The following LRRC9 variants were observed in gnomAD, a reference collection of about 807,000 sequenced individuals.
LRRC9 encodes the protein leucine-rich repeat-containing protein 9.
Under a neutral mutation model 63.2 loss-of-function variants are expected in LRRC9, and 122 were observed. The observed-to-expected ratio is 1.93, with a 90% CI of 1.67 to 2.24. The LOEUF (loss-of-function observed/expected upper bound fraction) is 2.24, where lower values mean the gene tolerates loss of function less well. LRRC9 is among the 30% of genes most tolerant of loss of function. LRRC9 has a pLI of 0.00. For missense variants in LRRC9, 1,071 were observed against 627.7 expected, an observed-to-expected ratio of 1.71 and a Z score of -7.55; for synonymous variants, 366 against 213.1, an observed-to-expected ratio of 1.72 and a Z score of -6.25.
In LRRC9 at chr14:59,938,126, G is replaced by A. The variant is rs1881250845; in HGVS notation, c.544-264G>A. ...AATGAATAAATGTGCTCACATCACT[G>A]GCTTCAAGGTTCCAGCTGGAATACA... On this transcript the variant is annotated intron_variant, in intron 6 of 31. Coordinates refer to ENST00000445360, the Ensembl canonical transcript of LRRC9. The surrounding 1 kb of genome is among the most constrained non-coding windows in gnomAD (Gnocchi z 4.2). Among the ~76,000 whole-genome samples, 1 of 152,092 alleles carries A rather than the reference G, an allele frequency of 6.6e-6. No individual in the cohort carries two copies. The highest frequency in any genetic ancestry group is 2.4e-5 in the African/African-American group (1 of 41,432).
chr14:59,979,573 C>T (rs968414188), intron 15 of LRRC9, among the ~76,000 whole-genome samples: 4 of 151,844 alleles, frequency 2.6e-5, no homozygotes, highest in Admixed American at 6.6e-5. Context: ...GATCGCGCCA[C>T]GGCATTCCAG....
intron 7 of LRRC9, among the ~76,000 whole-genome samples, chr14:59,939,658 G>A (rs183408061): frequency 1.3e-5 from 2 of 152,062 alleles, no homozygotes; most frequent in East Asian, 1.9e-4. Flanking sequence ...TGAATATTAA[G>A]TACAGAGGAA....
intron 19 of LRRC9, among the ~76,000 whole-genome samples, chr14:60,001,188 T>TTGTGTGTG (rs146007143): frequency 2.4e-4 from 36 of 149,098 alleles, no homozygotes; most frequent in African/African-American, 8.1e-4. Flanking sequence ...TGATGTATAT[T>TTGTGTGTG]TGTGTGTGTG....
At position 59,938,940 on chromosome 14, in the gene LRRC9, CATAT is replaced by C. The variant is rs1566790233; in HGVS notation, c.726+370_726+373del. Among the ~76,000 whole-genome samples the C allele has an allele frequency of 4.8e-4, 52 of 109,298 alleles. No individual in the cohort carries two copies. The Middle Eastern group carries it at 0.016, about 33-fold the overall frequency. 71.7% of individuals were successfully genotyped at this position (109,298 alleles called of 152,430 possible). A position where few individuals can be genotyped will look rare whatever the true frequency, so the allele number is the denominator to read the frequency against. On this transcript the variant is annotated intron_variant, in intron 7 of 31. Transcript: ENST00000445360. The surrounding 1 kb of genome is among the most constrained non-coding windows in gnomAD (Gnocchi z 4.2). ...ATATGCATATATATACACATATATACATATACATACATATATACACACATATATA... is the reference window on the plus strand; with the variant it reads ...ATATGCATATATATACACATATATACACATACATATATACACACATATATA...
intron 26 of LRRC9, among the ~76,000 whole-genome samples, chr14:60,019,975 T>A (rs985081273): frequency 6.6e-6 from 1 of 151,806 alleles, no homozygotes; most frequent in African/African-American, 2.4e-5. Context: ...TCTATCGAAG[T>A]ATAATTTCCT....
At chr14:59,940,257 A>G (rs1198638933) in intron 7 of LRRC9, among the ~76,000 whole-genome samples, 1 of 152,164 alleles carries the variant, frequency 6.6e-6, no homozygotes, top group Non-Finnish European at 1.5e-5. Context: ...CAAATAGGAT[A>G]TATACTATAG....
At chr14:59,983,600 C>G (rs1250171679) in intron 16 of LRRC9, among the ~76,000 whole-genome samples, 1 of 152,046 alleles carries the variant, frequency 6.6e-6, no homozygotes, top group Non-Finnish European at 1.5e-5. Context: ...ACTGTAGAAA[C>G]ATGCTTTTGA....
Position 59,966,900 on chromosome 14 carries a change from C to G in LRRC9, c.1388+135C>G. On this transcript the variant is annotated intron_variant, in intron 11 of 31. Coordinates refer to ENST00000445360, the Ensembl canonical transcript of LRRC9. The surrounding 1 kb of genome is among the most constrained non-coding windows in gnomAD (Gnocchi z 4.0). ...AAATGTTTCCTTTTTATGCATCTCC[C>G]ATGGCCAGGATGACCTCATAATTTA... The G allele has an allele frequency of 1.8e-6, 1 of 559,538 alleles. No homozygotes were observed. The highest frequency in any genetic ancestry group is 3.2e-6 in the Non-Finnish European group (1 of 313,516). 34.7% of individuals were successfully genotyped at this position (559,538 alleles called of 1,614,324 possible).
At chr14:60,016,322 G>GC (rs1890683084) in intron 23 of LRRC9, among the ~76,000 whole-genome samples, 1 of 152,136 alleles carries the variant, frequency 6.6e-6, no homozygotes, top group African/African-American at 2.4e-5. Context: ...TCTGGCCTCA[G>GC]CCTCCCACAT....
At chr14:59,969,146 G>C (rs1218791829) in intron 12 of LRRC9, 1 of 152,108 alleles carries the variant, frequency 6.6e-6, no homozygotes, top group Non-Finnish European at 1.5e-5. Context: ...ATTTTATTTT[G>C]AAAGTTTTAA....
chr14:60,003,046 C>A lies in LRRC9; in HGVS notation c.2665-575C>A, dbSNP rs1254146837. Among the ~76,000 whole-genome samples, 4 of 152,166 alleles carry A rather than the reference C, an allele frequency of 2.6e-5. No homozygotes were observed. Among genetic ancestry groups the A allele is most frequent in the African/African-American group, 9.7e-5 (4 of 41,426 alleles). The stretch of plus-strand genomic sequence containing the variant: ...CCTCTTGCCAAACATAGAAACTGGG[C>A]TAAGTGAAGCTGCTCCCAGAAAATG... On this transcript the variant is annotated intron_variant, in intron 20 of 31. Transcript: ENST00000445360. This position sits in a 1 kb window ranked among gnomAD's most constrained non-coding sequence, Gnocchi z 4.2.
At chr14:59,995,467 C>G (rs913027121) in intron 17 of LRRC9, among the ~76,000 whole-genome samples, 1 of 152,084 alleles carries the variant, frequency 6.6e-6, no homozygotes, top group African/African-American at 2.4e-5. Flanking sequence ...GATAGCTAAG[C>G]TACATTTAGA....
chr14:59,994,973 C>G (rs1269183751), intron 17 of LRRC9, among the ~76,000 whole-genome samples: 2 of 150,338 alleles, frequency 1.3e-5, no homozygotes, highest in Non-Finnish European at 3.0e-5. Context: ...CAAACCTGCA[C>G]GTTGCGCACA....
rs1453770150 is a variant in LRRC9 at position 59,958,694 on chromosome 14, G to C, written c.883-1124G>C. Among the ~76,000 whole-genome samples the C allele has an allele frequency of 6.6e-6, 1 of 152,242 alleles. No homozygotes were observed. The highest frequency in any genetic ancestry group is 1.5e-5 in the Non-Finnish European group (1 of 68,048). Reference sequence around the variant, plus strand: ...GTACGAAAAAATACTCCTGCAGCTAGCTCAGTGTCTGCCCAAACAGCCACC... The same window carrying C: ...GTACGAAAAAATACTCCTGCAGCTACCTCAGTGTCTGCCCAAACAGCCACC... On this transcript the variant is annotated intron_variant, in intron 8 of 31. Transcript: ENST00000445360. This position sits in a 1 kb window ranked among gnomAD's most constrained non-coding sequence, Gnocchi z 4.0.
chr14:59,958,577 C>T lies in LRRC9; in HGVS notation c.883-1241C>T, dbSNP rs1884037407. ...TTGCTGGGCTCTGTGGGAGTGGGAC[C>T]CGCTGAGCAAGACCACTTGGCTCCC... On this transcript the variant is annotated intron_variant, in intron 8 of 31. Coordinates refer to ENST00000445360, the Ensembl canonical transcript of LRRC9. This position sits in a 1 kb window ranked among gnomAD's most constrained non-coding sequence, Gnocchi z 4.0. Among the ~76,000 whole-genome samples, 1 of 152,182 alleles carries T rather than the reference C, an allele frequency of 6.6e-6. No individual in the cohort carries two copies. Among genetic ancestry groups the T allele is most frequent in the Admixed American group, 6.5e-5 (1 of 15,280 alleles).
intron 8 of LRRC9, among the ~76,000 whole-genome samples, chr14:59,946,535 T>C (rs1177053631): frequency 6.6e-6 from 1 of 150,706 alleles, no homozygotes; most frequent in Non-Finnish European, 1.5e-5. Flanking sequence ...CTTTAAGTTT[T>C]AGGGTACATG....
intron 30 of LRRC9, among the ~76,000 whole-genome samples, chr14:60,057,034 T>G (rs1595128421): frequency 6.6e-6 from 1 of 152,174 alleles, no homozygotes; most frequent in Admixed American, 6.5e-5. Context: ...ACTGAGCAGC[T>G]TTAGTAAAAG....
chr14:60,030,711 G>C (rs2140325401), intron 28 of LRRC9, among the ~76,000 whole-genome samples: 1 of 152,056 alleles, frequency 6.6e-6, no homozygotes, highest in East Asian at 1.9e-4. Flanking sequence ...AGTAACATTT[G>C]CCAATTTCTG....
chr14:60,007,256 C>G (rs556351182), intron 22 of LRRC9, among the ~76,000 whole-genome samples: 3 of 152,142 alleles, frequency 2.0e-5, no homozygotes, highest in Non-Finnish European at 4.4e-5. Flanking sequence ...TCCGTTCCCC[C>G]AGTATAATTA....
Sources: gnomAD v4.1 joint callset for allele counts (sites outside exome capture counted in the v4.1 genomes callset) on GRCh38, gnomAD v4.1.1 for gene constraint, Gnocchi (gnomAD v3.1) non-coding constraint, MANE v1.5 for transcripts, NCBI Gene and HGNC (gene_info 2026-07-23, HGNC 2026-07-21) for gene names.